Variants in PRR16 observed in about 807,000 individuals in gnomAD.
PRR16 encodes proline rich 16, also known as protein Largen.
PRR16 carries 6 observed loss-of-function variants against 18.2 expected under a neutral mutation model. That is an observed-to-expected ratio of 0.33 (90% CI 0.18 to 0.65). PRR16 has a LOEUF of 0.65. PRR16 is among the 30% of genes least tolerant of loss of function. The pLI is 0.74. For missense variants in PRR16, 412 were observed against 376.6 expected (o/e 1.09, Z -0.78); for synonymous variants, 151 against 147.8 (o/e 1.02, Z -0.16).
intron 1 of PRR16, among the ~76,000 whole-genome samples, chr5:120,511,818 CAA>C (rs1220414366): frequency 1.3e-5 from 2 of 152,138 alleles, no homozygotes; most frequent in Non-Finnish European, 2.9e-5. Context: ...AATAACAAGA[CAA>C]AGAGAAACCT....
At chr5:120,522,669 G>A (rs896341981) in intron 1 of PRR16, among the ~76,000 whole-genome samples, 6 of 152,260 alleles carry the variant, frequency 3.9e-5, no homozygotes, top group African/African-American at 4.8e-5. Context: ...GCAGTGGCAC[G>A]ATCTTGGCTC....
intron 1 of PRR16, among the ~76,000 whole-genome samples, chr5:120,572,292 G>T (rs531919730): frequency 1.4e-4 from 21 of 152,252 alleles, no homozygotes; most frequent in African/African-American, 4.6e-4. Flanking sequence ...ACTGGCCATA[G>T]TACAAGGTTG....
At chr5:120,588,198 T>C (rs1023147422) in intron 1 of PRR16, among the ~76,000 whole-genome samples, 4 of 152,240 alleles carry the variant, frequency 2.6e-5, no homozygotes, top group African/African-American at 9.6e-5. Context: ...TGATATCTAC[T>C]TCTGGTGAAA....
At chr5:120,499,494 A>G (rs1750375926) in intron 1 of PRR16, among the ~76,000 whole-genome samples, 1 of 151,914 alleles carries the variant, frequency 6.6e-6, no homozygotes, top group African/African-American at 2.4e-5. Flanking sequence ...TTCTATTGTT[A>G]TATCTTCAAT....
chr5:120,512,649 G>T (rs954561703), intron 1 of PRR16, among the ~76,000 whole-genome samples: 1 of 152,264 alleles, frequency 6.6e-6, no homozygotes, highest in Non-Finnish European at 1.5e-5. Context: ...TTTTCTGCTT[G>T]TCTAGGATAT....
At chr5:120,667,136 A>C (rs975027039) in intron 1 of PRR16, among the ~76,000 whole-genome samples, 299 of 152,138 alleles carry the variant, frequency 2.0e-3, no homozygotes, top group African/African-American at 6.7e-3. Context: ...ACAATTTCCG[A>C]TCCTGTTATT....
At chr5:120,754,215 T>TA in the PRR16 span, among the ~76,000 whole-genome samples, 11 of 56,620 alleles carry the variant, frequency 1.9e-4, no homozygotes, top group East Asian at 9.3e-4. Context: ...AAATTATATA[T>TA]TATAATATAT....
At chr5:120,473,298 T>C (rs1295455873) in intron 1 of PRR16, among the ~76,000 whole-genome samples, 1 of 152,162 alleles carries the variant, frequency 6.6e-6, no homozygotes, top group African/African-American at 2.4e-5. Flanking sequence ...TTTTGATAAA[T>C]ATTTGGGGTT....
At chr5:120,728,772 CTACTT>C in the PRR16 span, among the ~76,000 whole-genome samples, 2 of 152,116 alleles carry the variant, frequency 1.3e-5, no homozygotes, top group South Asian at 2.1e-4. Flanking sequence ...ATTGTTTACT[CTACTT>C]ATTCTTATAG....
At chr5:120,675,751 C>G (rs1198110488) in intron 1 of PRR16, among the ~76,000 whole-genome samples, 1 of 152,110 alleles carries the variant, frequency 6.6e-6, no homozygotes, top group African/African-American at 2.4e-5. Flanking sequence ...ATGAATAGTA[C>G]TTGCACAATA....
Position 120,560,537 on chromosome 5 carries a change from C to T in PRR16, c.159+95892C>T, listed in dbSNP as rs1752543254. 2.6e-5 allele frequency among the ~76,000 whole-genome samples: 4 copies of T among 151,906 alleles called. No homozygotes were observed. The South Asian group carries it at 8.3e-4, about 32-fold the overall frequency. On this transcript the variant is annotated intron_variant, in intron 1 of 1. Transcript: ENST00000407149. ...TTAATGTATTGTTGAATTTGGTTTGCTAGTATTTTGTTGAGGATTTTCACA... is the reference window on the plus strand; with the variant it reads ...TTAATGTATTGTTGAATTTGGTTTGTTAGTATTTTGTTGAGGATTTTCACA...
intron 1 of PRR16, among the ~76,000 whole-genome samples, chr5:120,639,293 A>G (rs1041630717): frequency 6.6e-6 from 1 of 152,100 alleles, no homozygotes; most frequent in Non-Finnish European, 1.5e-5. Flanking sequence ...AATTATAGTC[A>G]ACTTTAAGAA....
At chr5:120,520,618 G>A (rs375796787) in intron 1 of PRR16, among the ~76,000 whole-genome samples, 2 of 152,094 alleles carry the variant, frequency 1.3e-5, no homozygotes, top group African/African-American at 4.8e-5. Flanking sequence ...TACTTGTAGC[G>A]CATGAAGAAG....
chr5:120,701,504 G>T, the PRR16 span, among the ~76,000 whole-genome samples: 4 of 152,242 alleles, frequency 2.6e-5, no homozygotes, highest in South Asian at 2.1e-4. Flanking sequence ...AGAGTAAATT[G>T]CTGGGCAGGA....
At chr5:120,491,442 TCC>T (rs1750038242) in intron 1 of PRR16, among the ~76,000 whole-genome samples, 1 of 79,184 alleles carries the variant, frequency 1.3e-5, no homozygotes, top group Non-Finnish European at 2.5e-5. Context: ...TCCTTTCCTT[TCC>T]TTTCCTTTCC....
intron 1 of PRR16, among the ~76,000 whole-genome samples, chr5:120,582,248 A>C (rs2112757160): frequency 6.6e-6 from 1 of 152,312 alleles, no homozygotes; most frequent in Non-Finnish European, 1.5e-5. Flanking sequence ...GTGGGAGCTA[A>C]AGAATGGGTA....
At chr5:120,712,942 G>A in the PRR16 span, among the ~76,000 whole-genome samples, 551 of 152,070 alleles carry the variant, frequency 3.6e-3, 3 homozygotes, top group African/African-American at 0.013. Flanking sequence ...AAAATAGAAC[G>A]GCCATATGAC....
At chr5:120,721,831 C>T in the PRR16 span, among the ~76,000 whole-genome samples, 2 of 151,996 alleles carry the variant, frequency 1.3e-5, no homozygotes, top group Admixed American at 1.3e-4. Context: ...GGTGCTTGCA[C>T]CAGATAGCCC....
chr5:120,500,506 C>G (rs1379609980), intron 1 of PRR16, among the ~76,000 whole-genome samples: 1 of 152,052 alleles, frequency 6.6e-6, no homozygotes, highest in African/African-American at 2.4e-5. Context: ...ATTTTAAGAC[C>G]AAAACATTAA....
Sources: gnomAD v4.1 joint callset for allele counts (sites outside exome capture counted in the v4.1 genomes callset) on GRCh38, gnomAD v4.1.1 for gene constraint, MANE v1.5 for transcripts, NCBI Gene and HGNC (gene_info 2026-07-23, HGNC 2026-07-21) for gene names.